The following HS3ST3A1 variants were observed in gnomAD, a reference collection of about 807,000 sequenced individuals.
HS3ST3A1 encodes heparan sulfate glucosamine 3-O-sulfotransferase 3A1.
Under a neutral mutation model 25.7 loss-of-function variants are expected in HS3ST3A1, and 19 were observed. The observed-to-expected ratio is 0.74, with a 90% CI of 0.52 to 1.08. The LOEUF is 1.08. HS3ST3A1 is among the 50% of genes least tolerant of loss of function. HS3ST3A1 has a pLI of 0.00. For synonymous variants in HS3ST3A1, 226 were observed against 278.6 expected (o/e 0.81, Z 1.88); for missense variants, 459 against 594.3 (o/e 0.77, Z 2.37).
chr17:13,509,256 CA>C (rs1222221753), intron 1 of HS3ST3A1, among the ~76,000 whole-genome samples: 5 of 152,072 alleles, frequency 3.3e-5, no homozygotes, highest in African/African-American at 1.2e-4. Flanking sequence ...CATTTGATGA[CA>C]TATGAAAATG....
At chr17:13,563,756 GTC>G (rs1907607818) in intron 1 of HS3ST3A1, among the ~76,000 whole-genome samples, 1 of 152,148 alleles carries the variant, frequency 6.6e-6, no homozygotes, top group African/African-American at 2.4e-5. Context: ...GAAGGCTGCT[GTC>G]TCTCTTTCTG....
chr17:13,495,447 C>T lies in HS3ST3A1; in HGVS notation c.*750G>A, dbSNP rs977326995. 6.6e-6 allele frequency among the ~76,000 whole-genome samples: 1 copy of T among 152,180 alleles called. No homozygotes were observed. Reference sequence around the variant, plus strand: ...CTGGGAATTTAGAAAACAAGGGGCTCTCTTTCCCTTTTCATATCATCTGAA... The same window carrying T: ...CTGGGAATTTAGAAAACAAGGGGCTTTCTTTCCCTTTTCATATCATCTGAA... On this transcript the variant is annotated 3_prime_UTR_variant, in exon 2 of 2. Transcript: ENST00000284110.
chr17:13,549,087 C>T (rs1031755830), intron 1 of HS3ST3A1, among the ~76,000 whole-genome samples: 11 of 152,190 alleles, frequency 7.2e-5, no homozygotes, highest in Admixed American at 5.9e-4. Context: ...GCTTTGGGTC[C>T]GCACTACCTT....
At chr17:13,599,305 C>A (rs1180863228) in intron 1 of HS3ST3A1, among the ~76,000 whole-genome samples, 3 of 152,116 alleles carry the variant, frequency 2.0e-5, no homozygotes, top group African/African-American at 4.8e-5. Context: ...ATTTTTAGGG[C>A]CAAATCTTTT....
chr17:13,549,427 A>C (rs1343692826), intron 1 of HS3ST3A1, among the ~76,000 whole-genome samples: 1 of 152,172 alleles, frequency 6.6e-6, no homozygotes, highest in East Asian at 1.9e-4. Flanking sequence ...TCGGGACACA[A>C]TGTCATCTAC....
At chr17:13,593,004 C>A (rs574047305) in intron 1 of HS3ST3A1, among the ~76,000 whole-genome samples, 6 of 152,128 alleles carry the variant, frequency 3.9e-5, no homozygotes, top group Non-Finnish European at 7.3e-5. Flanking sequence ...TCCTTGAATG[C>A]GTTAATTGTT....
At chr17:13,536,380 G>GA in intron 1 of HS3ST3A1, among the ~76,000 whole-genome samples, 1 of 152,146 alleles carries the variant, frequency 6.6e-6, no homozygotes, top group Non-Finnish European at 1.5e-5. Context: ...ATAGACGTGA[G>GA]AAAATATACT....
At chr17:13,512,519 A>G (rs958379650) in intron 1 of HS3ST3A1, among the ~76,000 whole-genome samples, 1 of 152,094 alleles carries the variant, frequency 6.6e-6, no homozygotes, top group African/African-American at 2.4e-5. Flanking sequence ...TTTTGTCAAT[A>G]AAGTTTTATT....
chr17:13,595,943 G>A (rs1320477939), intron 1 of HS3ST3A1, among the ~76,000 whole-genome samples: 1 of 152,028 alleles, frequency 6.6e-6, no homozygotes, highest in African/African-American at 2.4e-5. Context: ...TCTATGTGAG[G>A]TTAGCCCCTA....
At chr17:13,511,009 A>G (rs1313465846) in intron 1 of HS3ST3A1, among the ~76,000 whole-genome samples, 1 of 152,208 alleles carries the variant, frequency 6.6e-6, no homozygotes, top group Non-Finnish European at 1.5e-5. Context: ...TGCAGACAAA[A>G]CAAACTTTGG....
intron 1 of HS3ST3A1, among the ~76,000 whole-genome samples, chr17:13,516,271 T>C (rs574318475): frequency 3.6e-4 from 55 of 152,172 alleles, no homozygotes; most frequent in Admixed American, 4.6e-4. Context: ...GATTGCATCA[T>C]TGGACTCCAG....
chr17:13,567,780 C>G (rs141436839), intron 1 of HS3ST3A1, among the ~76,000 whole-genome samples: 3 of 152,152 alleles, frequency 2.0e-5, no homozygotes, highest in African/African-American at 4.8e-5. Context: ...AACCTTGAAC[C>G]GATAATGAGT....
chr17:13,507,554 G>A (rs1905724827), intron 1 of HS3ST3A1, among the ~76,000 whole-genome samples: 2 of 152,142 alleles, frequency 1.3e-5, no homozygotes, highest in African/African-American at 4.8e-5. Context: ...ATCTCTGAAT[G>A]CAAATCACCC....
chr17:13,580,037 TTTGCATTTGCCATGTC>T (rs1369881433), intron 1 of HS3ST3A1, among the ~76,000 whole-genome samples: 1 of 152,044 alleles, frequency 6.6e-6, no homozygotes, highest in Non-Finnish European at 1.5e-5. Flanking sequence ...GGCTACCAGT[TTTGCATTTGCCATGTC>T]TTGCATTTGC....
At chr17:13,520,763 C>T (rs977751117) in intron 1 of HS3ST3A1, among the ~76,000 whole-genome samples, 2 of 152,054 alleles carry the variant, frequency 1.3e-5, no homozygotes, top group South Asian at 4.2e-4. Context: ...TACAGGCACC[C>T]ACCAGGCCTG....
chr17:13,576,632 G>A (rs892095482), intron 1 of HS3ST3A1, among the ~76,000 whole-genome samples: 1 of 152,158 alleles, frequency 6.6e-6, no homozygotes, highest in African/African-American at 2.4e-5. Flanking sequence ...ATGACTTTGT[G>A]GACATATCTG....
intron 1 of HS3ST3A1, among the ~76,000 whole-genome samples, chr17:13,508,217 A>G (rs1030100706): frequency 1.4e-4 from 21 of 152,032 alleles, no homozygotes; most frequent in African/African-American, 4.8e-4. Flanking sequence ...AAGAAAGAGA[A>G]AAAAAAATTG....
At chr17:13,543,116 G>A (rs1054624914) in intron 1 of HS3ST3A1, among the ~76,000 whole-genome samples, 2 of 152,108 alleles carry the variant, frequency 1.3e-5, no homozygotes, top group Non-Finnish European at 2.9e-5. Flanking sequence ...TAATAAGTGG[G>A]TCAACATAAG....
intron 1 of HS3ST3A1, among the ~76,000 whole-genome samples, chr17:13,594,824 G>A (rs1908530560): frequency 1.3e-5 from 2 of 150,342 alleles, no homozygotes; most frequent in Non-Finnish European, 3.0e-5. Flanking sequence ...TGCTATAAGT[G>A]CTACCTAAAC....
Sources: gnomAD v4.1 joint callset for allele counts (sites outside exome capture counted in the v4.1 genomes callset) on GRCh38, gnomAD v4.1.1 for gene constraint, MANE v1.5 for transcripts, NCBI Gene and HGNC (gene_info 2026-07-23, HGNC 2026-07-21) for gene names.